Variants in MAGI2 observed in about 807,000 individuals in gnomAD.
The protein encoded by MAGI2 is membrane associated guanylate kinase, WW and PDZ domain containing 2.
Under a neutral mutation model 133.3 loss-of-function variants are expected in MAGI2, and 35 were observed. That is an observed-to-expected ratio of 0.26 (90% CI 0.20 to 0.35). The LOEUF (loss-of-function observed/expected upper bound fraction) is 0.35, where lower values mean the gene tolerates loss of function less well. MAGI2 is among the 10% of genes least tolerant of loss of function. The probability of loss-of-function intolerance (pLI) is 1.00; values close to 1 mark genes in which losing one functional copy is unlikely to be tolerated. For synonymous variants in MAGI2, 729 were observed against 710.6 expected (o/e 1.03, Z -0.41); for missense variants, 1,636 against 1,863.4 (o/e 0.88, Z 2.25).
chr7:78,676,916 T>G (rs1815102518), intron 2 of MAGI2, among the ~76,000 whole-genome samples: 1 of 152,124 alleles, frequency 6.6e-6, no homozygotes, highest in Admixed American at 6.6e-5. Context: ...ATTCCCTTGA[T>G]TCAAAATTTT....
intron 3 of MAGI2, among the ~76,000 whole-genome samples, chr7:78,527,120 C>T (rs1797044759): frequency 1.4e-5 from 2 of 138,138 alleles, no homozygotes; most frequent in Admixed American, 1.5e-4. Flanking sequence ...GTAATAAAAA[C>T]ATTTAATAAA....
chr7:78,123,191 T>C (rs1390800457), intron 20 of MAGI2, among the ~76,000 whole-genome samples: 1 of 152,162 alleles, frequency 6.6e-6, no homozygotes, highest in Non-Finnish European at 1.5e-5. Flanking sequence ...CTATTCAACT[T>C]TTAATACATC....
At chr7:79,099,431 GT>G (rs1372212354) in intron 1 of MAGI2, among the ~76,000 whole-genome samples, 1 of 152,008 alleles carries the variant, frequency 6.6e-6, no homozygotes, top group Non-Finnish European at 1.5e-5. Flanking sequence ...AATATTTTCA[GT>G]AACTTTTCAA....
intron 1 of MAGI2, among the ~76,000 whole-genome samples, chr7:79,261,571 C>A (rs1774078904): frequency 1.3e-5 from 2 of 152,050 alleles, no homozygotes; most frequent in African/African-American, 4.8e-5. Flanking sequence ...TCCCTCTGAC[C>A]CCTTTATGTA....
rs139222129 is a variant in MAGI2 at position 78,035,617 on chromosome 7, T to A, written c.3707-15641A>T. Reference sequence around the variant, plus strand: ...CCCGAGGTTGACTTCAGCCCTTGTTTCCTTAAAGTGAGATGTTACAGCATC... The same window carrying A: ...CCCGAGGTTGACTTCAGCCCTTGTTACCTTAAAGTGAGATGTTACAGCATC... On this transcript the variant is annotated intron_variant, in intron 21 of 21. Transcript: ENST00000354212. Among the ~76,000 whole-genome samples, 107 of 152,288 alleles carry A rather than the reference T, an allele frequency of 7.0e-4. No homozygotes were observed. In the East Asian group the frequency reaches 0.019, roughly 26 times the overall value.
At chr7:79,111,915 T>C (rs113941598) in intron 1 of MAGI2, among the ~76,000 whole-genome samples, 1 of 144,060 alleles carries the variant, frequency 6.9e-6, no homozygotes, top group Non-Finnish European at 1.5e-5. Flanking sequence ...GATCCGCCCC[T>C]CTCGGCCTCC....
intron 1 of MAGI2, chr7:79,125,026 G>C: frequency 4.2e-6 from 1 of 238,508 alleles, no homozygotes; most frequent in South Asian, 5.4e-5. Flanking sequence ...CTCAAAACCA[G>C]GTACCCACCC....
Position 78,019,742 on chromosome 7 carries a change from C to T in MAGI2, c.3941G>A (p.Arg1314Lys). 9 of 1,611,244 alleles carry T rather than the reference C, an allele frequency of 5.6e-6. No individual in the cohort carries two copies. In the East Asian group the frequency reaches 6.7e-5, roughly 12 times the overall value. The stretch of plus-strand genomic sequence containing the variant: ...CCTCTGCGGACTCGCCGAGCGCTCC[C>T]TCTGCTCCCCGAGGCGCTGCTTCTT... ...GQKKQRLGEQ[R>K]ERSASPQRAA... Residue 1314 changes from arginine (R) to lysine (K), a missense_variant, in exon 22 of 22, where the codon AGG becomes AAG. By Grantham distance (26) the Arg-to-Lys change is conservative. This residue lies in a region of MAGI2 where 354 missense variants were observed against 298.7 expected (regional missense o/e 1.19). Transcript: ENST00000354212.
intron 1 of MAGI2, among the ~76,000 whole-genome samples, chr7:79,319,556 CA>C (rs1286864965): frequency 6.6e-6 from 1 of 152,032 alleles, no homozygotes; most frequent in African/African-American, 2.4e-5. Context: ...TGAATGTTGA[CA>C]TAATAGGTGG....
At chr7:78,283,951 A>AAACTCAGGAGTAAT (rs1311994624) in intron 9 of MAGI2, among the ~76,000 whole-genome samples, 4 of 152,152 alleles carry the variant, frequency 2.6e-5, no homozygotes, top group African/African-American at 9.6e-5. Context: ...CTGCATGTTA[A>AAACTCAGGAGTAAT]AACTCAGGAG....
At chr7:79,253,878 A>G (rs7795853) in intron 1 of MAGI2, among the ~76,000 whole-genome samples, 3,104 of 152,304 alleles carry the variant, frequency 0.02, 123 homozygotes, top group African/African-American at 0.07. Flanking sequence ...TAATGTACAC[A>G]TATAGTCTGC....
intron 1 of MAGI2, among the ~76,000 whole-genome samples, chr7:79,440,903 T>C (rs1848454727): frequency 6.6e-6 from 1 of 152,206 alleles, no homozygotes; most frequent in Non-Finnish European, 1.5e-5. Flanking sequence ...CTCTTCACGA[T>C]CACAACATGA....
chr7:78,904,659 C>T (rs1045324885), intron 2 of MAGI2, among the ~76,000 whole-genome samples: 13 of 151,764 alleles, frequency 8.6e-5, no homozygotes, highest in African/African-American at 2.2e-4. Context: ...TGTGTCAACA[C>T]GCCCAACTAA....
intron 2 of MAGI2, among the ~76,000 whole-genome samples, chr7:78,783,626 C>G (rs1826571369): frequency 6.6e-6 from 1 of 152,140 alleles, no homozygotes; most frequent in South Asian, 2.1e-4. Context: ...CATTGGAAAT[C>G]AATAAAGTGT....
chr7:79,089,222 A>G (rs1204969068), intron 1 of MAGI2, among the ~76,000 whole-genome samples: 1 of 152,216 alleles, frequency 6.6e-6, no homozygotes, highest in Non-Finnish European at 1.5e-5. Flanking sequence ...ATCACTGGTA[A>G]TTAGAGAAAT....
Position 78,581,815 on chromosome 7 carries a change from T to G in MAGI2, c.538+45305A>C, listed in dbSNP as rs146617182. Among the ~76,000 whole-genome samples, 388 of 152,082 alleles carry G rather than the reference T, an allele frequency of 2.6e-3. 4 individuals are homozygous for G. The highest frequency in any genetic ancestry group is 8.9e-3 in the African/African-American group (371 of 41,494). ...TTCTGTTAAATGAAGAAGAGGACTG[T>G]TGTGGAGAGGTGTGATTGGGCAAAG... On this transcript the variant is annotated intron_variant, in intron 3 of 21. Transcript: ENST00000354212.
intron 21 of MAGI2, among the ~76,000 whole-genome samples, chr7:78,055,296 T>C (rs1381363224): frequency 2.0e-5 from 3 of 152,218 alleles, no homozygotes; most frequent in Non-Finnish European, 4.4e-5. Context: ...CAATACTAAA[T>C]AACCTTGCAA....
At chr7:78,125,983 A>T in intron 19 of MAGI2, 146 bp from the exon 20 acceptor site, 1 of 839,624 alleles carries the variant, frequency 1.2e-6, no homozygotes, top group East Asian at 2.7e-5. Flanking sequence ...TGGCTTCATA[A>T]ACTACCCAAA....
chr7:78,514,500 C>T (rs1159166106), intron 4 of MAGI2, among the ~76,000 whole-genome samples: 2 of 152,066 alleles, frequency 1.3e-5, no homozygotes, highest in African/African-American at 4.8e-5. Flanking sequence ...TTTTCCCATT[C>T]AATGGAGAGA....
Sources: allele counts gnomAD v4.1 joint callset (sites outside exome capture counted in the v4.1 genomes callset), GRCh38; gene constraint gnomAD v4.1.1; regional missense constraint gnomAD v4.1.1; transcripts MANE v1.5; gene names NCBI Gene and HGNC (gene_info 2026-07-23, HGNC 2026-07-21).